Variants in C1orf87 observed in about 807,000 individuals in gnomAD.
C1orf87 encodes uncharacterized protein C1orf87.
In C1orf87, 58 loss-of-function variants were observed where a neutral mutation model predicts 60.5. The ratio of observed to expected loss-of-function variants is 0.96; its 90% CI spans 0.78 to 1.19. C1orf87 has a LOEUF of 1.19. Ranked by LOEUF, C1orf87 falls within the 50% of genes most tolerant of loss-of-function variation. The pLI is 0.00. For missense variants in C1orf87, 673 were observed against 638.6 expected, an observed-to-expected ratio of 1.05 and a Z score of -0.58; for synonymous variants, 236 against 227.4, an observed-to-expected ratio of 1.04 and a Z score of -0.34.
intron 7 of C1orf87, among the ~76,000 whole-genome samples, chr1:60,028,195 T>C (rs1645213206): frequency 6.6e-6 from 1 of 152,210 alleles, no homozygotes; most frequent in Non-Finnish European, 1.5e-5. Context: ...AGAACTGAAC[T>C]ATCTTCATGA....
chr1:60,010,873 T>TATGA (rs1645078795), intron 8 of C1orf87: 1 of 25,230 alleles, frequency 4.0e-5, no homozygotes, highest in Non-Finnish European at 1.1e-4. Flanking sequence ...CTGCTGTTGA[T>TATGA]ATAAATAAAT....
At chr1:60,026,854 C>T (rs1437840277) in intron 7 of C1orf87, among the ~76,000 whole-genome samples, 1 of 152,110 alleles carries the variant, frequency 6.6e-6, no homozygotes, top group Non-Finnish European at 1.5e-5. Context: ...TTAACACAAA[C>T]CTCGTTTCAT....
At chr1:60,065,009 T>G (rs1324747256) in intron 2 of C1orf87, among the ~76,000 whole-genome samples, 1 of 63,488 alleles carries the variant, frequency 1.6e-5, no homozygotes, top group East Asian at 4.5e-4. Context: ...ATATTAAATA[T>G]ATATTAAATA....
Position 60,058,995 on chromosome 1 carries a change from A to G in C1orf87, c.108-3557T>C, listed in dbSNP as rs767640428. Among the ~76,000 whole-genome samples, 4 of 152,190 alleles carry G rather than the reference A, an allele frequency of 2.6e-5. No homozygotes were observed. The East Asian group carries it at 7.7e-4, about 29-fold the overall frequency. The stretch of plus-strand genomic sequence containing the variant: ...AGGACAGAATTGCTTGAGAAATGTA[A>G]AATGTATCTGCCTGTCTTTTAAAAC... On this transcript the variant is annotated intron_variant, in intron 2 of 11. Transcript: ENST00000371201.
At chr1:60,037,286 G>A (rs115497711) in intron 6 of C1orf87, among the ~76,000 whole-genome samples, 4,521 of 152,364 alleles carry the variant, frequency 0.03, 98 homozygotes, top group Non-Finnish European at 0.043. Flanking sequence ...GGCTGGGCCT[G>A]TGGGATTTGG....
intron 11 of C1orf87, among the ~76,000 whole-genome samples, chr1:59,995,657 C>T (rs563553378): frequency 2.6e-5 from 4 of 152,268 alleles, no homozygotes; most frequent in South Asian, 4.1e-4. Flanking sequence ...CTCTTGGTCC[C>T]GGACCTCGCA....
At position 60,072,955 on chromosome 1, in the gene C1orf87, A is replaced by C. The variant is rs184282785; in HGVS notation, c.-27-285T>G. ...GGAATCTCACCTAAGAGGTCTGTACAGCAGATCTACTGAATCATTAGGTGA... is the reference window on the plus strand; with the variant it reads ...GGAATCTCACCTAAGAGGTCTGTACCGCAGATCTACTGAATCATTAGGTGA... On this transcript the variant is annotated intron_variant, in intron 1 of 11. Coordinates refer to ENST00000371201, the MANE Select transcript of C1orf87 (RefSeq NM_152377.3). Among the ~76,000 whole-genome samples the C allele has an allele frequency of 7.5e-4, 115 of 152,346 alleles. 3 individuals carry two copies. In the East Asian group the frequency reaches 0.02, roughly 26 times the overall value.
chr1:60,045,055 G>C (rs1326983348), intron 3 of C1orf87, among the ~76,000 whole-genome samples: 1 of 152,180 alleles, frequency 6.6e-6, no homozygotes. Context: ...AGTGTGTGTA[G>C]AGTCATCCAC....
At chr1:60,060,291 G>T (rs1645486660) in intron 2 of C1orf87, among the ~76,000 whole-genome samples, 1 of 152,094 alleles carries the variant, frequency 6.6e-6, no homozygotes, top group South Asian at 2.1e-4. Context: ...CTTTCATGTT[G>T]TGTGACTTTG....
At chr1:60,003,768 A>T (rs1407210913) in intron 9 of C1orf87, among the ~76,000 whole-genome samples, 1 of 152,046 alleles carries the variant, frequency 6.6e-6, no homozygotes, top group African/African-American at 2.4e-5. Flanking sequence ...ATAAATGACC[A>T]TGTGTTCTAA....
intron 8 of C1orf87, among the ~76,000 whole-genome samples, chr1:60,017,627 C>T (rs1645132958): frequency 6.6e-6 from 1 of 152,100 alleles, no homozygotes; most frequent in Non-Finnish European, 1.5e-5. Flanking sequence ...CCTTAATTAC[C>T]ATTTATTGCA....
intron 8 of C1orf87, among the ~76,000 whole-genome samples, chr1:60,019,776 A>G (rs959985144): frequency 4.6e-5 from 7 of 152,216 alleles, no homozygotes; most frequent in Admixed American, 3.9e-4. Flanking sequence ...CTTGCCTTAG[A>G]TATCTGTGGA....
intron 8 of C1orf87, among the ~76,000 whole-genome samples, chr1:60,022,210 C>T (rs1466350061): frequency 1.4e-5 from 2 of 145,692 alleles, no homozygotes; most frequent in Non-Finnish European, 3.0e-5. Flanking sequence ...TAATAGACAA[C>T]AATAGCTGTG....
chr1:60,015,149 C>G (rs904348972), intron 8 of C1orf87, among the ~76,000 whole-genome samples: 1 of 152,136 alleles, frequency 6.6e-6, no homozygotes, highest in Non-Finnish European at 1.5e-5. Flanking sequence ...ATCCTCACTT[C>G]CATGGTATTA....
At chr1:60,067,367 T>C (rs1006888684) in intron 2 of C1orf87, among the ~76,000 whole-genome samples, 8 of 152,114 alleles carry the variant, frequency 5.3e-5, no homozygotes, top group Non-Finnish European at 1.2e-4. Context: ...CTAACTGGTG[T>C]GATATAGTAT....
chr1:60,001,099 G>C lies in C1orf87; in HGVS notation c.1250C>G (p.Ser417Cys). 6.2e-7 allele frequency: 1 copy of C among 1,608,446 alleles called. No homozygotes were observed. The highest frequency in any genetic ancestry group is 1.1e-5 in the South Asian group (1 of 90,734). The change falls in exon 10 of 12, where the codon TCT becomes TGT. Residue 417 changes from serine to cysteine, a missense_variant. Coordinates refer to ENST00000371201, the MANE Select transcript of C1orf87 (RefSeq NM_152377.3). The part of the protein sequence containing the change: ...PPMEPEVPEM[S>C]QSKTEHMKTP... ...TACCATATGTTCAGTTTTGCTTTGA[G>C]ACATCTCGGGGACTTCAGGCTCCAT... is the stretch of plus-strand genomic sequence containing the variant.
At chr1:60,067,866 T>G (rs1180482897) in intron 2 of C1orf87, among the ~76,000 whole-genome samples, 1 of 152,152 alleles carries the variant, frequency 6.6e-6, no homozygotes, top group Admixed American at 6.6e-5. Flanking sequence ...GTTTTACATT[T>G]AAGTCTTTAA....
chr1:60,056,967 G>A (rs1366692301), intron 2 of C1orf87, among the ~76,000 whole-genome samples: 1 of 152,018 alleles, frequency 6.6e-6, no homozygotes, highest in Non-Finnish European at 1.5e-5. Flanking sequence ...ACCAAACCAT[G>A]GGCAATAATT....
rs756228152 is a variant in C1orf87 at position 59,997,762 on chromosome 1, A to G, written c.1327T>C (p.Cys443Arg). 3.2e-5 allele frequency: 51 copies of G among 1,613,788 alleles called. No individual in the cohort carries two copies. Among genetic ancestry groups the G allele is most frequent in the Admixed American group, 1.5e-4 (9 of 59,972 alleles). Residue 443 changes from cysteine to arginine, a missense_variant, in exon 11 of 12, where the codon TGC becomes CGC. Coordinates refer to ENST00000371201, the MANE Select transcript of C1orf87 (RefSeq NM_152377.3). ...TTTAAAGGTTTCAGAGGATCTTTGC[A>G]GGCTGAAGTTTCAGCAGGAGAGCTT... ...PESSPAETSA[C>R]KDPLKPLKIR... is the part of the protein sequence containing the mutation.
Sources: allele counts gnomAD v4.1 joint callset (sites outside exome capture counted in the v4.1 genomes callset), GRCh38; gene constraint gnomAD v4.1.1; transcripts MANE v1.5; gene names NCBI Gene and HGNC (gene_info 2026-07-23, HGNC 2026-07-21).